Variants in LAMB3 observed in about 807,000 individuals in gnomAD.
LAMB3 encodes the protein laminin subunit beta 3.
A neutral mutation model predicts 140.3 loss-of-function variants in LAMB3; 104 were observed. That is an observed-to-expected ratio of 0.74 (90% CI 0.63 to 0.87). The LOEUF (loss-of-function observed/expected upper bound fraction) is 0.87. LAMB3 is among the 40% of genes least tolerant of loss of function. The pLI is 0.00. For synonymous variants in LAMB3, 592 were observed against 602.9 expected, an observed-to-expected ratio of 0.98 and a Z score of 0.26; for missense variants, 1,531 against 1,575.2, an observed-to-expected ratio of 0.97 and a Z score of 0.47.
rs1571805516 is a variant in LAMB3, at chr1:209,623,346, C to T, written c.2358+159G>A. 11 of 1,012,284 alleles carry T rather than the reference C, an allele frequency of 1.1e-5. No individual in the cohort carries two copies. The East Asian group carries it at 2.8e-4, about 26-fold the overall frequency. The allele number at this position is 1,012,284 out of a possible 1,614,324, so 62.7% of individuals were successfully genotyped here. ...GACCAGAAACTGGTTTCCTTGGCAA[C>T]CACTGAGCTCACAGTGAGCAGTACA... On this transcript the variant is annotated intron_variant, in intron 16 of 22. Coordinates refer to ENST00000356082, the MANE Select transcript of LAMB3 (RefSeq NM_000228.3). The surrounding 1 kb of genome is among the most constrained non-coding windows in gnomAD (Gnocchi z 4.2).
At chr1:209,632,932 G>C (rs745806055) in intron 7 of LAMB3, 138 bp downstream of exon 7, 152 of 1,006,510 alleles carry the variant, frequency 1.5e-4, no homozygotes, top group Non-Finnish European at 2.4e-4. Flanking sequence ...TATCCCTATG[G>C]GGCAAGCAGG....
Position 209,637,984 on chromosome 1 carries a change from G to C in LAMB3, c.299-3C>G. 6.2e-7 allele frequency: 1 copy of C among 1,611,560 alleles called. No homozygotes were observed. The highest frequency in any genetic ancestry group is 8.5e-7 in the Non-Finnish European group (1 of 1,178,710). On this transcript the variant is annotated splice_polypyrimidine_tract_variant and splice_region_variant and intron_variant, in intron 4 of 22. Coordinates refer to ENST00000356082, the MANE Select transcript of LAMB3 (RefSeq NM_000228.3). The stretch of plus-strand genomic sequence containing the variant: ...CTGCAGAGAGACAGGGTTCACATCT[G>C]GAAGGACAAAAAATAGAAACTGTCA...
Position 209,649,088 on chromosome 1 carries a change from G to A in LAMB3, c.183+876C>T, listed in dbSNP as rs143915165. On this transcript the variant is annotated intron_variant, in intron 3 of 22. Transcript: ENST00000356082. ...ATACCATCTGTGCTAAAATAGCCAAGAGAACACAGGGACTAGAAGGGCAGT... is the reference window on the plus strand; with the variant it reads ...ATACCATCTGTGCTAAAATAGCCAAAAGAACACAGGGACTAGAAGGGCAGT... Among the ~76,000 whole-genome samples the A allele has an allele frequency of 9.2e-5, 14 of 152,200 alleles. No homozygotes were observed. In the East Asian group the frequency reaches 2.5e-3, roughly 27 times the overall value.
chr1:209,636,141 C>T (rs1666886888), intron 5 of LAMB3, among the ~76,000 whole-genome samples: 2 of 152,040 alleles, frequency 1.3e-5, no homozygotes, highest in Non-Finnish European at 2.9e-5. Flanking sequence ...AACGTCACCA[C>T]GATTTCCAAT....
intron 14 of LAMB3, among the ~76,000 whole-genome samples, chr1:209,624,261 T>TC (rs1315070617): frequency 1.3e-5 from 2 of 152,160 alleles, no homozygotes; most frequent in African/African-American, 4.8e-5. Context: ...CCAATTCTCC[T>TC]CCCCCTCTTC....
rs749618741 is a variant in LAMB3, at chr1:209,634,593, C to A, written c.418G>T (p.Gly140Cys). The stretch of plus-strand genomic sequence containing the variant: ...TACTGGTACACTCGCCAGGTCTTAC[C>A]GAAGTCTGAGGAGCGCTCAATCAGC... ...GMLIERSSDF[G>C]KTWRVYQYLA... Residue 140 changes from glycine to cysteine, a missense_variant, in exon 6 of 23, where the codon GGT (glycine) becomes TGT (cysteine). Physicochemically the swap from Gly to Cys is radical, Grantham distance 159 (BLOSUM62 -3). Transcript: ENST00000356082. 2 of 1,614,052 alleles carry A rather than the reference C, an allele frequency of 1.2e-6. No homozygotes were observed. The highest frequency in any genetic ancestry group is 2.2e-5 in the South Asian group (2 of 91,070).
At chr1:209,629,333 T>C (rs1387493052) in intron 10 of LAMB3, among the ~76,000 whole-genome samples, 2 of 152,050 alleles carry the variant, frequency 1.3e-5, no homozygotes, top group East Asian at 1.9e-4. Flanking sequence ...TTGGGAGAAA[T>C]AGAAAATTAA....
At chr1:209,641,630 C>A (rs943793133) in intron 3 of LAMB3, among the ~76,000 whole-genome samples, 1 of 152,174 alleles carries the variant, frequency 6.6e-6, no homozygotes, top group Non-Finnish European at 1.5e-5. Context: ...CTTGGTCTGA[C>A]CTTGAAGCTT....
chr1:209,632,892 C>T (rs1558159636), intron 7 of LAMB3, 116 bp from the exon 8 acceptor site: 2 of 1,112,164 alleles, frequency 1.8e-6, no homozygotes, highest in African/African-American at 1.5e-5. Context: ...CTCTCCAGAC[C>T]TCAACCATCC....
intron 3 of LAMB3, among the ~76,000 whole-genome samples, chr1:209,639,259 A>G (rs998842039): frequency 6.6e-6 from 1 of 152,216 alleles, no homozygotes; most frequent in African/African-American, 2.4e-5. Context: ...TATTTAGCAT[A>G]TACTATGTGC....
At chr1:209,622,174 C>T (rs1485501235) in intron 18 of LAMB3, among the ~76,000 whole-genome samples, 1 of 152,192 alleles carries the variant, frequency 6.6e-6, no homozygotes, top group Admixed American at 6.5e-5. Flanking sequence ...CAAGGTCACT[C>T]CCAAGAGATG....
intron 3 of LAMB3, among the ~76,000 whole-genome samples, chr1:209,638,984 G>A (rs1188523279): frequency 4.7e-5 from 2 of 42,584 alleles, no homozygotes; most frequent in African/African-American, 4.0e-4. Context: ...AAAAAAAAAG[G>A]GGGGCGGGGG....
chr1:209,636,136 C>T (rs1019536351), intron 5 of LAMB3, among the ~76,000 whole-genome samples: 1 of 151,928 alleles, frequency 6.6e-6, no homozygotes, highest in Non-Finnish European at 1.5e-5. Flanking sequence ...TCAGAAACGT[C>T]ACCACGATTT....
chr1:209,620,708 C>T (rs1666158142), intron 18 of LAMB3, among the ~76,000 whole-genome samples: 2 of 152,234 alleles, frequency 1.3e-5, no homozygotes, highest in South Asian at 4.1e-4. Context: ...AATAAGAGTA[C>T]TTAGTTCATG....
intron 18 of LAMB3, among the ~76,000 whole-genome samples, chr1:209,621,419 T>G (rs1666187925): frequency 6.6e-6 from 1 of 152,216 alleles, no homozygotes; most frequent in Non-Finnish European, 1.5e-5. Context: ...ACCTGCCACC[T>G]GCACTCAGGA....
chr1:209,624,194 C>T (rs776137665), intron 14 of LAMB3, among the ~76,000 whole-genome samples, 194 bp from the exon 15 acceptor site: 4 of 152,184 alleles, frequency 2.6e-5, no homozygotes, highest in Non-Finnish European at 5.9e-5. Context: ...CTTTCTCTGT[C>T]CAGGTGCAGA....
chr1:209,647,021 T>C (rs2076524367), intron 3 of LAMB3, among the ~76,000 whole-genome samples: 1 of 152,174 alleles, frequency 6.6e-6, no homozygotes, highest in South Asian at 2.1e-4. Context: ...GACTACAGCT[T>C]CAGGCCATTT....
intron 12 of LAMB3, 81 bp downstream of exon 12, chr1:209,627,302 A>T: frequency 8.5e-7 from 1 of 1,181,222 alleles, no homozygotes; most frequent in Non-Finnish European, 1.2e-6. Context: ...CTAGAAGGGC[A>T]GCATGGAGGG....
chr1:209,646,746 G>T (rs1285180321), intron 3 of LAMB3, among the ~76,000 whole-genome samples: 1 of 152,240 alleles, frequency 6.6e-6, no homozygotes, highest in African/African-American at 2.4e-5. Flanking sequence ...AGGAGAGAAG[G>T]GTTGGATAGA....
Sources: gnomAD v4.1 joint callset for allele counts (sites outside exome capture counted in the v4.1 genomes callset) on GRCh38, gnomAD v4.1.1 for gene constraint, Gnocchi (gnomAD v3.1) non-coding constraint, MANE v1.5 for transcripts, NCBI Gene and HGNC (gene_info 2026-07-23, HGNC 2026-07-21) for gene names.